The following HCN1 variants were observed in gnomAD, a reference collection of about 807,000 sequenced individuals.
HCN1 encodes the protein potassium/sodium hyperpolarization-activated cyclic nucleotide-gated channel 1.
A neutral mutation model predicts 78.9 loss-of-function variants in HCN1; 13 were observed. The observed-to-expected ratio is 0.16, with a 90% CI of 0.11 to 0.26. The LOEUF (loss-of-function observed/expected upper bound fraction) is 0.26. HCN1 is among the 10% of genes least tolerant of loss of function. HCN1 has a pLI of 1.00. For missense variants in HCN1, 810 were observed against 1,154.3 expected (o/e 0.70, Z 4.32); for synonymous variants, 552 against 455.5 (o/e 1.21, Z -2.70).
At chr5:45,484,326 T>C (rs1276200226) in intron 2 of HCN1, among the ~76,000 whole-genome samples, 1 of 151,996 alleles carries the variant, frequency 6.6e-6, no homozygotes, top group Admixed American at 6.6e-5. Flanking sequence ...TCCCAGCTAC[T>C]TGGAGGCTGG....
intron 6 of HCN1, among the ~76,000 whole-genome samples, chr5:45,302,483 C>T (rs1420852886): frequency 6.6e-6 from 1 of 152,016 alleles, no homozygotes; most frequent in Non-Finnish European, 1.5e-5. Flanking sequence ...AAAACTAAAA[C>T]TGAATTGGCA....
intron 2 of HCN1, among the ~76,000 whole-genome samples, chr5:45,583,189 G>T (rs897811920): frequency 6.6e-6 from 1 of 152,048 alleles, no homozygotes; most frequent in Non-Finnish European, 1.5e-5. Flanking sequence ...ATTAATTATT[G>T]CCTGAATTTC....
At chr5:45,587,146 C>T (rs1744246608) in intron 2 of HCN1, among the ~76,000 whole-genome samples, 1 of 152,198 alleles carries the variant, frequency 6.6e-6, no homozygotes, top group Non-Finnish European at 1.5e-5. Flanking sequence ...TGTGGCAATT[C>T]CTCAAGGATC....
At chr5:45,325,252 C>A (rs1746213732) in intron 5 of HCN1, among the ~76,000 whole-genome samples, 1 of 151,706 alleles carries the variant, frequency 6.6e-6, no homozygotes. Flanking sequence ...GGTTCCAATT[C>A]AGATTCACAT....
intron 2 of HCN1, among the ~76,000 whole-genome samples, chr5:45,537,081 T>A (rs1742981053): frequency 6.6e-6 from 1 of 152,200 alleles, no homozygotes; most frequent in Non-Finnish European, 1.5e-5. Flanking sequence ...AATTTGTGGC[T>A]CTTTTTCCAG....
chr5:45,505,864 C>G (rs572898271), intron 2 of HCN1, among the ~76,000 whole-genome samples: 3 of 152,114 alleles, frequency 2.0e-5, no homozygotes, highest in Admixed American at 6.5e-5. Flanking sequence ...TTTCATCAGT[C>G]TAATATGACT....
intron 2 of HCN1, among the ~76,000 whole-genome samples, chr5:45,544,709 T>A (rs920192065): frequency 6.6e-6 from 1 of 151,796 alleles, no homozygotes; most frequent in Non-Finnish European, 1.5e-5. Flanking sequence ...TGTTTGGTTT[T>A]CTGTCCTTGC....
At chr5:45,389,939 C>T (rs149384625) in intron 4 of HCN1, among the ~76,000 whole-genome samples, 331 of 152,286 alleles carry the variant, frequency 2.2e-3, no homozygotes, top group Admixed American at 3.2e-3. Context: ...TGTACAATCT[C>T]ATCATTCCAG....
intron 5 of HCN1, among the ~76,000 whole-genome samples, chr5:45,347,037 G>C (rs1746735025): frequency 6.6e-6 from 1 of 152,236 alleles, no homozygotes; most frequent in African/African-American, 2.4e-5. Flanking sequence ...CGCAGCTGGA[G>C]ATCTGAGAAC....
chr5:45,607,972 G>T (rs1357023313), intron 2 of HCN1, among the ~76,000 whole-genome samples: 1 of 151,684 alleles, frequency 6.6e-6, no homozygotes, highest in Non-Finnish European at 1.5e-5. Flanking sequence ...TATAATGGGA[G>T]CCCAAAAGAA....
chr5:45,334,492 T>A (rs1050161204), intron 5 of HCN1, among the ~76,000 whole-genome samples: 19 of 151,928 alleles, frequency 1.3e-4, no homozygotes, highest in Admixed American at 5.9e-4. Flanking sequence ...TGTGACTTCC[T>A]ACATTTCTAG....
intron 2 of HCN1, among the ~76,000 whole-genome samples, chr5:45,499,977 T>A (rs1004225663): frequency 2.6e-5 from 4 of 152,186 alleles, no homozygotes; most frequent in Non-Finnish European, 4.4e-5. Context: ...CATTGTCATT[T>A]ATAATTTTGA....
intron 1 of HCN1, among the ~76,000 whole-genome samples, chr5:45,694,348 C>T (rs1324352893): frequency 1.3e-5 from 2 of 152,074 alleles, no homozygotes; most frequent in African/African-American, 4.8e-5. Flanking sequence ...GCATAGATCA[C>T]GGAGGCTACT....
At chr5:45,626,863 AC>A (rs1415112942) in intron 2 of HCN1, among the ~76,000 whole-genome samples, 1 of 151,914 alleles carries the variant, frequency 6.6e-6, no homozygotes, top group East Asian at 1.9e-4. Flanking sequence ...AAATAAAAAA[AC>A]CTCACAGAGA....
At chr5:45,322,686 T>A (rs998911374) in intron 5 of HCN1, among the ~76,000 whole-genome samples, 1 of 151,842 alleles carries the variant, frequency 6.6e-6, no homozygotes, top group Admixed American at 6.6e-5. Flanking sequence ...TCCCACGAAG[T>A]CAAGTGTGGA....
At chr5:45,520,674 A>T (rs1159987004) in intron 2 of HCN1, among the ~76,000 whole-genome samples, 1 of 152,044 alleles carries the variant, frequency 6.6e-6, no homozygotes, top group African/African-American at 2.4e-5. Context: ...GGCAGTATAT[A>T]GCAGCATCTT....
chr5:45,659,651 A>T (rs1290367874), intron 1 of HCN1, among the ~76,000 whole-genome samples: 3 of 143,450 alleles, frequency 2.1e-5, no homozygotes, highest in Non-Finnish European at 3.0e-5. Context: ...GAACTACGTG[A>T]AGAATGCAGA....
chr5:45,266,016 C>CA (rs894565656), intron 7 of HCN1, among the ~76,000 whole-genome samples: 2 of 151,170 alleles, frequency 1.3e-5, no homozygotes, highest in East Asian at 1.9e-4. Flanking sequence ...TCGAGCTGAC[C>CA]AAAAAAAAGT....
intron 4 of HCN1, among the ~76,000 whole-genome samples, chr5:45,380,222 G>A (rs1367625055): frequency 6.6e-6 from 1 of 151,996 alleles, no homozygotes; most frequent in African/African-American, 2.4e-5. Flanking sequence ...GCTGTTTACT[G>A]TGTCCTCAGA....
Sources: gnomAD v4.1 joint callset for allele counts (sites outside exome capture counted in the v4.1 genomes callset) on GRCh38, gnomAD v4.1.1 for gene constraint, MANE v1.5 for transcripts, NCBI Gene and HGNC (gene_info 2026-07-23, HGNC 2026-07-21) for gene names.